Variants in PRKCA observed in about 807,000 individuals in gnomAD.
PRKCA encodes protein kinase C alpha type.
Under a neutral mutation model 87.0 loss-of-function variants are expected in PRKCA, and 27 were observed. The observed-to-expected ratio is 0.31, with a 90% CI of 0.23 to 0.43. The LOEUF is 0.43. PRKCA is among the 20% of genes least tolerant of loss of function. The pLI is 1.00. For missense variants in PRKCA, 518 were observed against 852.3 expected, an observed-to-expected ratio of 0.61 and a Z score of 4.88; for synonymous variants, 329 against 311.1, an observed-to-expected ratio of 1.06 and a Z score of -0.61.
intron 13 of PRKCA, among the ~76,000 whole-genome samples, chr17:66,771,860 G>A (rs577093912): frequency 1.2e-3 from 184 of 152,260 alleles, no homozygotes; most frequent in African/African-American, 3.6e-3. Flanking sequence ...CTCCCAAAGT[G>A]CTGGGATTAC....
intron 3 of PRKCA, among the ~76,000 whole-genome samples, chr17:66,582,301 A>T (rs984898507): frequency 1.3e-5 from 2 of 152,152 alleles, no homozygotes; most frequent in African/African-American, 4.8e-5. Flanking sequence ...CTGGAACCAG[A>T]TGTGTTTTAG....
intron 3 of PRKCA, among the ~76,000 whole-genome samples, chr17:66,542,649 T>A (rs1968022328): frequency 6.6e-6 from 1 of 152,094 alleles, no homozygotes; most frequent in Non-Finnish European, 1.5e-5. Flanking sequence ...TCGGAAGGGA[T>A]TCCTCTGCAA....
intron 2 of PRKCA, among the ~76,000 whole-genome samples, chr17:66,396,759 G>C (rs904717520): frequency 1.3e-5 from 2 of 150,672 alleles, no homozygotes; most frequent in African/African-American, 2.4e-5. Flanking sequence ...CTCCAAAGTA[G>C]CTGAGATTAC....
chr17:66,618,761 C>T (rs558598377), intron 3 of PRKCA, among the ~76,000 whole-genome samples: 167 of 152,300 alleles, frequency 1.1e-3, no homozygotes, highest in African/African-American at 3.6e-3. Context: ...CTACATTCTG[C>T]AGGGTTAGGC....
intron 2 of PRKCA, among the ~76,000 whole-genome samples, chr17:66,424,437 G>A (rs901847089): frequency 2.0e-5 from 3 of 151,806 alleles, no homozygotes; most frequent in African/African-American, 4.8e-5. Flanking sequence ...GCATGATGGC[G>A]GCATCTGTAA....
chr17:66,557,853 T>G (rs1228830673), intron 3 of PRKCA, among the ~76,000 whole-genome samples: 20 of 152,172 alleles, frequency 1.3e-4, no homozygotes, highest in Admixed American at 1.3e-3. Context: ...AGAGCAGTGT[T>G]TTGAGCTCAT....
At chr17:66,316,637 C>T (rs866857511) in intron 2 of PRKCA, among the ~76,000 whole-genome samples, 4 of 152,058 alleles carry the variant, frequency 2.6e-5, no homozygotes, top group South Asian at 4.1e-4. Context: ...AGATTGGACA[C>T]CCCTGGTTTA....
At chr17:66,590,817 T>C (rs1375107281) in intron 3 of PRKCA, among the ~76,000 whole-genome samples, 2 of 151,748 alleles carry the variant, frequency 1.3e-5, no homozygotes, top group Non-Finnish European at 2.9e-5. Flanking sequence ...GCTACTGCAC[T>C]CCAGCCTGGG....
intron 3 of PRKCA, among the ~76,000 whole-genome samples, chr17:66,608,871 A>G (rs183669220): frequency 5.9e-5 from 9 of 152,372 alleles, no homozygotes; most frequent in East Asian, 1.9e-4. Flanking sequence ...GAAATTTTCC[A>G]TAATGAAAAG....
intron 3 of PRKCA, among the ~76,000 whole-genome samples, chr17:66,624,106 A>G (rs1970772846): frequency 6.6e-6 from 1 of 152,068 alleles, no homozygotes; most frequent in Non-Finnish European, 1.5e-5. Flanking sequence ...CTAAGTAGGC[A>G]CTGGGGAGTG....
intron 8 of PRKCA, chr17:66,703,224 A>G (rs1973104643): frequency 6.6e-6 from 1 of 152,210 alleles, no homozygotes; most frequent in Non-Finnish European, 1.5e-5. Context: ...ACACAAATAC[A>G]TTGTATAGCT....
At chr17:66,797,062 G>T (rs1043314722) in intron 16 of PRKCA, 27 of 873,690 alleles carry the variant, frequency 3.1e-5, no homozygotes, top group Non-Finnish European at 3.6e-5. Context: ...AGACCATGGG[G>T]TTGTATTCTA....
chr17:66,610,697 A>G (rs1970335775), intron 3 of PRKCA, among the ~76,000 whole-genome samples: 1 of 152,216 alleles, frequency 6.6e-6, no homozygotes, highest in African/African-American at 2.4e-5. Flanking sequence ...CGATCGCAAG[A>G]GCACACCGAA....
intron 3 of PRKCA, among the ~76,000 whole-genome samples, chr17:66,606,059 C>T (rs143232127): frequency 6.6e-6 from 1 of 152,224 alleles, no homozygotes; most frequent in East Asian, 1.9e-4. Context: ...GATGAATTGT[C>T]TGGTATGTGA....
chr17:66,537,930 C>T (rs988402066), intron 3 of PRKCA, among the ~76,000 whole-genome samples: 1 of 152,012 alleles, frequency 6.6e-6, no homozygotes, highest in Admixed American at 6.6e-5. Flanking sequence ...CTCAGCTTCC[C>T]GAGTGGCTGG....
At chr17:66,420,149 C>A (rs887856353) in intron 2 of PRKCA, among the ~76,000 whole-genome samples, 5 of 151,848 alleles carry the variant, frequency 3.3e-5, no homozygotes, top group African/African-American at 9.7e-5. Context: ...GTAGCTGGGA[C>A]TGCAGAAGTA....
At chr17:66,421,521 TCTCTTCTC>T (rs1912495038) in intron 2 of PRKCA, among the ~76,000 whole-genome samples, 1 of 149,588 alleles carries the variant, frequency 6.7e-6, no homozygotes, top group East Asian at 2.0e-4. Context: ...TTTCTTCTCT[TCTCTTCTC>T]TTCTCTTTTC....
chr17:66,572,434 T>A (rs1218877687), intron 3 of PRKCA, among the ~76,000 whole-genome samples: 2 of 151,240 alleles, frequency 1.3e-5, no homozygotes, highest in Non-Finnish European at 2.9e-5. Flanking sequence ...ACCATGACAC[T>A]CCAGTCTGGG....
chr17:66,389,764 T>C (rs1007429732), intron 2 of PRKCA, among the ~76,000 whole-genome samples: 1 of 152,228 alleles, frequency 6.6e-6, no homozygotes, highest in Non-Finnish European at 1.5e-5. Context: ...TATTGTTTGA[T>C]GTTGGTTGAG....
Sources: gnomAD v4.1 joint callset for allele counts (sites outside exome capture counted in the v4.1 genomes callset) on GRCh38, gnomAD v4.1.1 for gene constraint, MANE v1.5 for transcripts, NCBI Gene and HGNC (gene_info 2026-07-23, HGNC 2026-07-21) for gene names.